FBXL17: variants seen among roughly 807,000 people sequenced by gnomAD.
FBXL17 encodes F-box/LRR-repeat protein 17.
A neutral mutation model predicts 66.2 loss-of-function variants in FBXL17; 22 were observed. The observed-to-expected ratio is 0.33, with a 90% CI of 0.24 to 0.47. The LOEUF is 0.47. Ranked by LOEUF, FBXL17 falls within the 20% of genes least tolerant of loss-of-function variation. The pLI is 1.00. For synonymous variants in FBXL17, 474 were observed against 400.5 expected (o/e 1.18, Z -2.19); for missense variants, 878 against 948.2 (o/e 0.93, Z 0.97).
chr5:107,918,311 T>C (rs1750201281), intron 7 of FBXL17, among the ~76,000 whole-genome samples: 1 of 152,170 alleles, frequency 6.6e-6, no homozygotes, highest in South Asian at 2.1e-4. Context: ...CCTTGGACAG[T>C]CGTAACCCAG....
chr5:108,019,688 G>A (rs558929279), intron 7 of FBXL17, among the ~76,000 whole-genome samples: 5 of 151,586 alleles, frequency 3.3e-5, no homozygotes, highest in Non-Finnish European at 7.4e-5. Context: ...CTCTCAATAT[G>A]CCGTGTGTTG....
intron 4 of FBXL17, among the ~76,000 whole-genome samples, chr5:108,224,554 C>CACACAA (rs1229776451): frequency 6.7e-6 from 1 of 149,362 alleles, no homozygotes; most frequent in Non-Finnish European, 1.5e-5. Context: ...CACACACACA[C>CACACAA]ACAAACACAC....
intron 7 of FBXL17, among the ~76,000 whole-genome samples, chr5:107,892,580 C>A (rs1442962021): frequency 1.3e-5 from 2 of 152,060 alleles, no homozygotes; most frequent in Non-Finnish European, 2.9e-5. Context: ...CTTGACATTT[C>A]CTACAGTGAG....
At chr5:108,309,013 A>G (rs1417136002) in intron 4 of FBXL17, among the ~76,000 whole-genome samples, 1 of 152,080 alleles carries the variant, frequency 6.6e-6, no homozygotes, top group Non-Finnish European at 1.5e-5. Flanking sequence ...CAAGAGTAAA[A>G]GAAAAAACAA....
chr5:108,034,711 CTA>C (rs1746771995), intron 6 of FBXL17, among the ~76,000 whole-genome samples: 1 of 152,002 alleles, frequency 6.6e-6, no homozygotes, highest in Non-Finnish European at 1.5e-5. Flanking sequence ...GAGAGACAAA[CTA>C]TTATTTTTCA....
intron 5 of FBXL17, among the ~76,000 whole-genome samples, chr5:108,193,674 G>T (rs1753561722): frequency 2.0e-5 from 3 of 152,044 alleles, no homozygotes; most frequent in Admixed American, 6.6e-5. Context: ...GCATCTGAGG[G>T]TAGAACTGAA....
chr5:108,300,058 C>T (rs1758516406), intron 4 of FBXL17, among the ~76,000 whole-genome samples: 1 of 152,016 alleles, frequency 6.6e-6, no homozygotes, highest in African/African-American at 2.4e-5. Context: ...AATAGATAAT[C>T]ATATATCAGC....
intron 8 of FBXL17, among the ~76,000 whole-genome samples, chr5:107,876,464 G>A (rs1005520389): frequency 6.6e-6 from 1 of 152,160 alleles, no homozygotes; most frequent in Non-Finnish European, 1.5e-5. Context: ...CGTTTATGAT[G>A]TTATTCACTG....
intron 6 of FBXL17, among the ~76,000 whole-genome samples, chr5:108,079,041 G>A (rs1748660426): frequency 1.3e-5 from 2 of 151,864 alleles, no homozygotes; most frequent in South Asian, 4.1e-4. Flanking sequence ...TAGAGACAGG[G>A]TCTCACTATG....
At chr5:108,163,399 CTTTTTTTTTT>C (rs764052812) in intron 6 of FBXL17, among the ~76,000 whole-genome samples, 2 of 129,558 alleles carry the variant, frequency 1.5e-5, no homozygotes, top group South Asian at 2.4e-4. Context: ...TTTTTTTTTT[CTTTTTTTTTT>C]TTTTTTTTTG....
At chr5:108,360,388 T>C (rs973565216) in intron 3 of FBXL17, among the ~76,000 whole-genome samples, 8 of 152,148 alleles carry the variant, frequency 5.3e-5, no homozygotes, top group African/African-American at 1.9e-4. Flanking sequence ...CTTTTTTTTC[T>C]TTCGACACTT....
chr5:108,381,354 G>A lies in FBXL17; in HGVS notation c.338C>T (p.Ala113Val). The change falls in exon 1 of 9, where the codon GCC (alanine) becomes GTC (valine). Residue 113 changes from alanine (A) to valine (V), a missense_variant. By Grantham distance (64) the Ala-to-Val change is moderately conservative. Coordinates refer to ENST00000542267, the MANE Select transcript of FBXL17 (RefSeq NM_001163315.3). ...RYAALAAEDC[A>V]AAARRFLLSS... ...TAGCAGGAAGCGGCGGGCAGCAGCG[G>A]CGCAGTCCTCGGCGGCCAGGGCCGC... 1.5e-6 allele frequency: 2 copies of A among 1,359,954 alleles called. No homozygotes were observed. The highest frequency in any genetic ancestry group is 1.9e-6 in the Non-Finnish European group (2 of 1,064,192). The allele number at this position is 1,359,954 out of a possible 1,614,324, so 84.2% of individuals were successfully genotyped here. A position where few individuals can be genotyped will look rare whatever the true frequency, so the allele number is the denominator to read the frequency against.
intron 4 of FBXL17, among the ~76,000 whole-genome samples, chr5:108,225,302 T>C (rs1263062646): frequency 6.6e-6 from 1 of 152,228 alleles, no homozygotes; most frequent in Non-Finnish European, 1.5e-5. Flanking sequence ...TACATTTTTA[T>C]GGGTTGAATT....
chr5:108,018,562 T>G (rs1392356589), intron 7 of FBXL17, among the ~76,000 whole-genome samples: 1 of 152,102 alleles, frequency 6.6e-6, no homozygotes, highest in East Asian at 1.9e-4. Context: ...AACATTTCCC[T>G]CTCTTCCTCA....
At chr5:108,216,905 A>G (rs1339399967) in intron 5 of FBXL17, among the ~76,000 whole-genome samples, 1 of 152,216 alleles carries the variant, frequency 6.6e-6, no homozygotes, top group Non-Finnish European at 1.5e-5. Flanking sequence ...AGATAAGGGA[A>G]CAAGGCCAGG....
chr5:108,168,177 A>C (rs1412901264), intron 6 of FBXL17, among the ~76,000 whole-genome samples: 1 of 85,362 alleles, frequency 1.2e-5, no homozygotes, highest in African/African-American at 2.9e-5. Context: ...TTAAAATAGA[A>C]AGTCAAAAGT....
Position 108,309,431 on chromosome 5 carries a change from T to A in FBXL17, c.1506+38968A>T, listed in dbSNP as rs563821614. Among the ~76,000 whole-genome samples, 5 of 151,596 alleles carry A rather than the reference T, an allele frequency of 3.3e-5. No individual in the cohort carries two copies. In the East Asian group the frequency reaches 7.8e-4, roughly 24 times the overall value. ...CAATCAACAAGCATTACCTTTATTT[T>A]AAAAAAAAGGCTATTTTCATCTTTT... On this transcript the variant is annotated intron_variant, in intron 4 of 8. Coordinates refer to ENST00000542267, the MANE Select transcript of FBXL17 (RefSeq NM_001163315.3).
intron 4 of FBXL17, among the ~76,000 whole-genome samples, chr5:108,318,372 CTA>C (rs1491418691): frequency 9.5e-5 from 14 of 146,810 alleles, no homozygotes; most frequent in African/African-American, 2.0e-4. Context: ...TTACACTGTG[CTA>C]TATGTTACTA....
chr5:108,286,438 C>T (rs1757904134), intron 4 of FBXL17, among the ~76,000 whole-genome samples: 1 of 151,982 alleles, frequency 6.6e-6, no homozygotes, highest in Non-Finnish European at 1.5e-5. Flanking sequence ...ACAACTTGAG[C>T]AAAGTTTCAG....
Sources: gnomAD v4.1 joint callset for allele counts (sites outside exome capture counted in the v4.1 genomes callset) on GRCh38, gnomAD v4.1.1 for gene constraint, MANE v1.5 for transcripts, NCBI Gene and HGNC (gene_info 2026-07-23, HGNC 2026-07-21) for gene names.